The following SGCG variants were observed in gnomAD, a reference collection of about 807,000 sequenced individuals.
The protein encoded by SGCG is sarcoglycan gamma, also known as gamma-sarcoglycan.
Under a neutral mutation model 29.3 loss-of-function variants are expected in SGCG, and 26 were observed. The observed-to-expected ratio is 0.89, with a 90% CI of 0.65 to 1.23. SGCG has a LOEUF of 1.23. SGCG is among the 50% of genes most tolerant of loss of function. The pLI is 0.00. For missense variants in SGCG, 353 were observed against 356.0 expected, an observed-to-expected ratio of 0.99 and a Z score of 0.07; for synonymous variants, 145 against 129.7, an observed-to-expected ratio of 1.12 and a Z score of -0.80.
At chr13:23,265,447 CGCACCTGTAGTCCCA>C (rs1880601108) in intron 4 of SGCG, among the ~76,000 whole-genome samples, 1 of 152,000 alleles carries the variant, frequency 6.6e-6, no homozygotes, top group Non-Finnish European at 1.5e-5. Flanking sequence ...TGCAGTTGCA[CGCACCTGTAGTCCCA>C]GCTACTCAGG....
chr13:23,188,627 C>T (rs1338864034), intron 1 of SGCG, among the ~76,000 whole-genome samples: 1 of 151,806 alleles, frequency 6.6e-6, no homozygotes, highest in Non-Finnish European at 1.5e-5. Context: ...CCTAAGAAGG[C>T]TTTTAACATA....
intron 6 of SGCG, among the ~76,000 whole-genome samples, chr13:23,298,242 G>A (rs1340200176): frequency 1.3e-5 from 2 of 152,094 alleles, no homozygotes; most frequent in East Asian, 3.9e-4. Context: ...TGTAATCCCA[G>A]CTACTCAGAA....
At chr13:23,263,191 C>A (rs1473579302) in intron 4 of SGCG, among the ~76,000 whole-genome samples, 4 of 151,422 alleles carry the variant, frequency 2.6e-5, no homozygotes, top group African/African-American at 9.7e-5. Flanking sequence ...ATCAATGAAA[C>A]AAAATCTGAC....
intron 2 of SGCG, among the ~76,000 whole-genome samples, chr13:23,205,263 A>C (rs1019869305): frequency 6.6e-6 from 1 of 152,210 alleles, no homozygotes; most frequent in Non-Finnish European, 1.5e-5. Flanking sequence ...GTTTTTGCAC[A>C]TCATATACAT....
chr13:23,183,075 T>G (rs1177756005), intron 1 of SGCG, among the ~76,000 whole-genome samples: 1 of 152,250 alleles, frequency 6.6e-6, no homozygotes, highest in African/African-American at 2.4e-5. Flanking sequence ...ATTAAAAGTT[T>G]AGGCTATGGA....
chr13:23,160,540 G>C, the SGCG span, among the ~76,000 whole-genome samples: 1 of 152,162 alleles, frequency 6.6e-6, no homozygotes, highest in South Asian at 2.1e-4. Context: ...AGGAAGGACG[G>C]AGCAGAGGCC....
intron 1 of SGCG, among the ~76,000 whole-genome samples, chr13:23,197,830 C>A (rs755058367): frequency 1.3e-5 from 2 of 151,974 alleles, no homozygotes. Context: ...TAACTGAAGA[C>A]AAGTTCAATT....
intron 3 of SGCG, among the ~76,000 whole-genome samples, chr13:23,236,776 A>C (rs866428864): frequency 6.6e-6 from 1 of 152,182 alleles, no homozygotes; most frequent in Non-Finnish European, 1.5e-5. Flanking sequence ...ATTATAGCGA[A>C]TATCTTAGAT....
At chr13:23,194,008 G>A (rs557095806) in intron 1 of SGCG, among the ~76,000 whole-genome samples, 1 of 152,182 alleles carries the variant, frequency 6.6e-6, no homozygotes, top group East Asian at 1.9e-4. Context: ...GGAGGAAATA[G>A]CCAACCATTT....
intron 5 of SGCG, among the ~76,000 whole-genome samples, chr13:23,290,859 C>G (rs1397364853): frequency 6.6e-6 from 1 of 152,144 alleles, no homozygotes; most frequent in East Asian, 1.9e-4. Flanking sequence ...AACCTAGAAA[C>G]AGCAGTATGT....
chr13:23,286,081 A>G (rs947980001), intron 5 of SGCG, among the ~76,000 whole-genome samples: 1 of 152,158 alleles, frequency 6.6e-6, no homozygotes, highest in African/African-American at 2.4e-5. Flanking sequence ...CCACCAACCA[A>G]CAATGGGTAA....
intron 3 of SGCG, among the ~76,000 whole-genome samples, chr13:23,236,539 G>A (rs558499243): frequency 5.9e-4 from 89 of 152,080 alleles, no homozygotes; most frequent in Non-Finnish European, 9.4e-4. Context: ...TCAGCCGGGC[G>A]TGGTGGCGGG....
rs549351507 is a variant in SGCG at position 23,307,746 on chromosome 13, A to T, written c.578+12259A>T. Among the ~76,000 whole-genome samples, 18 of 152,332 alleles carry T rather than the reference A, an allele frequency of 1.2e-4. 1 individual carries two copies. In the South Asian group the frequency reaches 3.5e-3, roughly 30 times the overall value. ...CTGTATTTAAAAGCATGGATTCCAT[A>T]AATTCAAGTGAAATACTTTAATTTC... On this transcript the variant is annotated intron_variant, in intron 6 of 7. Coordinates refer to ENST00000218867, the MANE Select transcript of SGCG (RefSeq NM_000231.3).
chr13:23,271,716 A>G (rs189967755), intron 4 of SGCG, among the ~76,000 whole-genome samples: 126 of 152,284 alleles, frequency 8.3e-4, no homozygotes, highest in Non-Finnish European at 1.4e-3. Context: ...AACATAGTTT[A>G]TTGGCATTAT....
intron 5 of SGCG, among the ~76,000 whole-genome samples, chr13:23,292,119 C>CTTTCTTTTTTTTTTTT (rs766790049): frequency 1.5e-3 from 217 of 147,538 alleles, no homozygotes; most frequent in African/African-American, 5.3e-3. Context: ...ACATTTCTTT[C>CTTTCTTTTTTTTTTTT]TTTTTTTTGA....
At position 23,235,550 on chromosome 13, in the gene SGCG, A is replaced by G. The variant is rs370268073; in HGVS notation, c.297+838A>G. 8.5e-5 allele frequency among the ~76,000 whole-genome samples: 13 copies of G among 152,366 alleles called. No homozygotes were observed. The East Asian group carries it at 1.2e-3, about 14-fold the overall frequency. ...TTCTTCATTTACCTCCATGGAGCTT[A>G]TAAGAAGGACAGCCAAGAATAAAGT... On this transcript the variant is annotated intron_variant, in intron 3 of 7. Coordinates refer to ENST00000218867, the MANE Select transcript of SGCG (RefSeq NM_000231.3).
At chr13:23,274,125 C>T (rs1159275165) in intron 4 of SGCG, among the ~76,000 whole-genome samples, 2 of 152,052 alleles carry the variant, frequency 1.3e-5, no homozygotes, top group South Asian at 2.1e-4. Context: ...TCATATTTAA[C>T]GCTTTTGACT....
chr13:23,191,199 A>G (rs562042873), intron 1 of SGCG, among the ~76,000 whole-genome samples: 12 of 152,340 alleles, frequency 7.9e-5, no homozygotes, highest in East Asian at 7.7e-4. Flanking sequence ...GTTATATTTT[A>G]TGAGCCAAAA....
chr13:23,234,578 A>T, intron 2 of SGCG, 33 bp from the exon 3 acceptor site: 1 of 1,406,780 alleles, frequency 7.1e-7, no homozygotes. Context: ...AGCAATAAAA[A>T]TATACGCATT....
Sources: allele counts gnomAD v4.1 joint callset (sites outside exome capture counted in the v4.1 genomes callset), GRCh38; gene constraint gnomAD v4.1.1; transcripts MANE v1.5; gene names NCBI Gene and HGNC (gene_info 2026-07-23, HGNC 2026-07-21).